SDC2: variants seen among roughly 807,000 people sequenced by gnomAD.
SDC2 encodes syndecan-2.
Under a neutral mutation model 22.2 loss-of-function variants are expected in SDC2, and 13 were observed. That is an observed-to-expected ratio of 0.59 (90% CI 0.38 to 0.93). The LOEUF (loss-of-function observed/expected upper bound fraction) is 0.93, where lower values mean the gene tolerates loss of function less well. Ranked by LOEUF, SDC2 falls within the 40% of genes least tolerant of loss-of-function variation. The probability of loss-of-function intolerance (pLI) is 0.00; values close to 1 mark genes in which losing one functional copy is unlikely to be tolerated. For missense variants in SDC2, 235 were observed against 246.8 expected, an observed-to-expected ratio of 0.95 and a Z score of 0.32; for synonymous variants, 94 against 92.8, an observed-to-expected ratio of 1.01 and a Z score of -0.07.
chr8:96,501,551 G>T (rs188010295), intron 1 of SDC2, among the ~76,000 whole-genome samples: 1 of 151,796 alleles, frequency 6.6e-6, no homozygotes, highest in Non-Finnish European at 1.5e-5. Context: ...CAACTGATCC[G>T]CCTGCCTCAG....
intron 1 of SDC2, among the ~76,000 whole-genome samples, chr8:96,579,091 C>T (rs1814551005): frequency 6.6e-6 from 1 of 152,182 alleles, no homozygotes; most frequent in South Asian, 2.1e-4. Context: ...GCCAGCACTT[C>T]GGATTTGATC....
intron 1 of SDC2, among the ~76,000 whole-genome samples, chr8:96,504,305 C>A (rs1377064611): frequency 6.6e-6 from 1 of 152,074 alleles, no homozygotes; most frequent in Non-Finnish European, 1.5e-5. Context: ...GTGTGACAAC[C>A]CAATAAAGGA....
intron 1 of SDC2, among the ~76,000 whole-genome samples, chr8:96,499,082 C>T (rs1415292812): frequency 6.6e-6 from 1 of 152,184 alleles, no homozygotes; most frequent in Non-Finnish European, 1.5e-5. Flanking sequence ...TGGTTACCCC[C>T]TTGATCACTT....
intron 1 of SDC2, among the ~76,000 whole-genome samples, chr8:96,564,840 G>A (rs1256546720): frequency 1.3e-5 from 2 of 151,970 alleles, no homozygotes; most frequent in South Asian, 2.1e-4. Flanking sequence ...CCTGCCCACC[G>A]TTTTGGGAGT....
chr8:96,569,978 G>T (rs1427197330), intron 1 of SDC2, among the ~76,000 whole-genome samples: 1 of 152,214 alleles, frequency 6.6e-6, no homozygotes, highest in Non-Finnish European at 1.5e-5. Context: ...GCAGTCCAGA[G>T]TCACCTCTGA....
At chr8:96,513,487 T>C (rs1302725447) in intron 1 of SDC2, among the ~76,000 whole-genome samples, 3 of 152,200 alleles carry the variant, frequency 2.0e-5, no homozygotes, top group Non-Finnish European at 1.5e-5. Flanking sequence ...TGCAAACAGA[T>C]TTAATACTAT....
intron 1 of SDC2, among the ~76,000 whole-genome samples, chr8:96,525,128 G>A (rs995148630): frequency 4.6e-5 from 7 of 152,216 alleles, no homozygotes; most frequent in Non-Finnish European, 1.0e-4. Flanking sequence ...AACCTCAGGT[G>A]TGATTTCGGC....
chr8:96,603,605 A>G (rs923355518), intron 3 of SDC2, among the ~76,000 whole-genome samples: 1 of 152,154 alleles, frequency 6.6e-6, no homozygotes, highest in Admixed American at 6.6e-5. Context: ...AGTAAGAATC[A>G]TCCCGTCTTC....
At chr8:96,507,013 A>AG (rs1491037630) in intron 1 of SDC2, among the ~76,000 whole-genome samples, 2 of 73,928 alleles carry the variant, frequency 2.7e-5, no homozygotes, top group Non-Finnish European at 5.2e-5. Flanking sequence ...TGTCTCAGGA[A>AG]AAAAAAAAAA....
intron 1 of SDC2, among the ~76,000 whole-genome samples, chr8:96,580,938 G>A (rs969169705): frequency 1.3e-5 from 2 of 152,098 alleles, no homozygotes; most frequent in Admixed American, 6.5e-5. Context: ...AATCCCACAG[G>A]GGCCTCTGTA....
chr8:96,574,348 A>G (rs1814452087), intron 1 of SDC2, among the ~76,000 whole-genome samples: 1 of 152,194 alleles, frequency 6.6e-6, no homozygotes. Context: ...CACAGTCACC[A>G]AAACATCTGC....
intron 1 of SDC2, among the ~76,000 whole-genome samples, chr8:96,496,978 T>C (rs1431010748): frequency 6.6e-6 from 1 of 152,238 alleles, no homozygotes; most frequent in East Asian, 1.9e-4. Context: ...GATATGCTGC[T>C]GGTTTTCTGT....
At chr8:96,606,819 G>A (rs1404019154) in intron 3 of SDC2, among the ~76,000 whole-genome samples, 1 of 152,148 alleles carries the variant, frequency 6.6e-6, no homozygotes. Context: ...GTCAGAGAAG[G>A]CTTCATTAAG....
chr8:96,572,820 G>T (rs1814418702), intron 1 of SDC2, among the ~76,000 whole-genome samples: 2 of 152,276 alleles, frequency 1.3e-5, no homozygotes, highest in Admixed American at 1.3e-4. Flanking sequence ...TTACCCCAAG[G>T]AATTCCTTAT....
intron 1 of SDC2, among the ~76,000 whole-genome samples, chr8:96,577,474 C>A (rs1322665413): frequency 6.6e-6 from 1 of 152,054 alleles, no homozygotes; most frequent in Non-Finnish European, 1.5e-5. Context: ...ACATTGTGTT[C>A]CATATACCCC....
intron 1 of SDC2, among the ~76,000 whole-genome samples, chr8:96,495,905 A>G (rs1221302780): frequency 6.6e-6 from 1 of 152,190 alleles, no homozygotes. Context: ...CCCTTTGGCA[A>G]ATGATGGTTT....
intron 1 of SDC2, among the ~76,000 whole-genome samples, chr8:96,551,348 G>T (rs116638512): frequency 0.036 from 5,436 of 152,190 alleles, 217 homozygotes; most frequent in African/African-American, 0.097. Flanking sequence ...TACAAAACAG[G>T]CTACTTTCTC....
chr8:96,591,388 C>T (rs958442829), intron 1 of SDC2, among the ~76,000 whole-genome samples: 6 of 152,084 alleles, frequency 3.9e-5, no homozygotes, highest in Admixed American at 2.0e-4. Flanking sequence ...TTTTAAACTA[C>T]GAGGATCCTG....
At chr8:96,584,538 CT>C (rs1330026669) in intron 1 of SDC2, among the ~76,000 whole-genome samples, 2 of 152,206 alleles carry the variant, frequency 1.3e-5, no homozygotes, top group Non-Finnish European at 2.9e-5. Context: ...ATTTTTCCCC[CT>C]TTCTCCTGCC....
Sources: gnomAD v4.1 joint callset for allele counts (sites outside exome capture counted in the v4.1 genomes callset) on GRCh38, gnomAD v4.1.1 for gene constraint, MANE v1.5 for transcripts, NCBI Gene and HGNC (gene_info 2026-07-23, HGNC 2026-07-21) for gene names.